Variants in HOXC6 observed in about 807,000 individuals in gnomAD.
HOXC6 encodes the protein homeobox protein Hox-C6.
A neutral mutation model predicts 24.0 loss-of-function variants in HOXC6; 10 were observed. That is an observed-to-expected ratio of 0.42 (90% CI 0.26 to 0.71). HOXC6 has a LOEUF of 0.71. HOXC6 is among the 30% of genes least tolerant of loss of function. The pLI, the probability that HOXC6 is intolerant of heterozygous loss-of-function variation, is 0.28. For missense variants in HOXC6, 258 were observed against 303.4 expected, an observed-to-expected ratio of 0.85 and a Z score of 1.11; for synonymous variants, 123 against 128.1, an observed-to-expected ratio of 0.96 and a Z score of 0.27.
chr12:54,024,817 C>T (rs1477025620), upstream of HOXC6, among the ~76,000 whole-genome samples: 1 of 152,208 alleles, frequency 6.6e-6, no homozygotes, highest in African/African-American at 2.4e-5. Context: ...GACTCCAGGC[C>T]AGTGACTGCA....
In HOXC6 at chr12:54,029,669, G is replaced by A. The variant is rs1592233434; in HGVS notation, c.415G>A (p.Ala139Thr). 1 of 1,613,304 alleles carries A rather than the reference G, an allele frequency of 6.2e-7. No homozygotes were observed. The highest frequency in any genetic ancestry group is 1.1e-5 in the South Asian group (1 of 91,062). Residue 139 changes from alanine to threonine, a missense_variant, in exon 2 of 2, where the codon GCG (alanine) becomes ACG (threonine). By Grantham distance (58) the Ala-to-Thr change is moderately conservative (BLOSUM62 0). Coordinates refer to ENST00000243108, the MANE Select transcript of HOXC6 (RefSeq NM_004503.4). ...CGGATCTTTAGGGGTCGGCTACGGA[G>A]CGGACCGGAGGCGCGGCCGCCAGAT... ...MNSHSGVGYG[A>T]DRRRGRQIYS...
intron 1 of HOXC6, among the ~76,000 whole-genome samples, chr12:54,017,843 C>T (rs1041251723): frequency 2.0e-5 from 3 of 152,152 alleles, no homozygotes; most frequent in Non-Finnish European, 4.4e-5. Context: ...CCCATTGCCC[C>T]CTAAGCAAAG....
chr12:54,026,939 C>A (rs374395964), upstream of HOXC6, among the ~76,000 whole-genome samples: 20 of 141,780 alleles, frequency 1.4e-4, 1 homozygote, highest in African/African-American at 1.6e-4. Flanking sequence ...CCAGCTTTCC[C>A]CCCCCCCAAC....
chr12:54,021,328 G>C (rs1228828875), intron 1 of HOXC6: 1 of 152,370 alleles, frequency 6.6e-6, no homozygotes, highest in South Asian at 2.1e-4. Context: ...CGCTATCTGA[G>C]CCAGGACAAG....
At chr12:54,022,286 T>C (rs189641225) in intron 1 of HOXC6, 2 of 152,232 alleles carry the variant, frequency 1.3e-5, no homozygotes, top group East Asian at 3.9e-4. Flanking sequence ...GTCATTCTTC[T>C]CCCACACTCC....
intron 1 of HOXC6, chr12:54,021,737 T>C (rs1277007983): frequency 6.6e-6 from 1 of 152,318 alleles, no homozygotes; most frequent in Non-Finnish European, 1.5e-5. Context: ...ACTCCAGGAT[T>C]GTGCCCCTCG....
chr12:54,017,273 A>G (rs1367941012), exon 1 of HOXC6: 2 of 152,122 alleles, frequency 1.3e-5, no homozygotes, highest in East Asian at 3.9e-4. Flanking sequence ...AATTATTTTT[A>G]TTTTTGAATT....
intron 1 of HOXC6, among the ~76,000 whole-genome samples, chr12:54,029,242 G>A (rs996816155): frequency 2.6e-5 from 4 of 152,226 alleles, no homozygotes; most frequent in Non-Finnish European, 4.4e-5. Flanking sequence ...AAGGGAGGGG[G>A]AGAGGAGAGG....
chr12:54,024,419 G>T (rs894735), upstream of HOXC6, among the ~76,000 whole-genome samples: 2 of 152,312 alleles, frequency 1.3e-5, no homozygotes, highest in Non-Finnish European at 2.9e-5. Flanking sequence ...GTATCTGTGT[G>T]CGAGGGTTGG....
chr12:54,026,935 T>G (rs1181851970), upstream of HOXC6, among the ~76,000 whole-genome samples: 1 of 143,244 alleles, frequency 7.0e-6, no homozygotes, highest in Non-Finnish European at 1.5e-5. Flanking sequence ...ATAGCCAGCT[T>G]TCCCCCCCCC....
Sources: gnomAD v4.1 joint callset for allele counts (sites outside exome capture counted in the v4.1 genomes callset) on GRCh38, gnomAD v4.1.1 for gene constraint, MANE v1.5 for transcripts, NCBI Gene and HGNC (gene_info 2026-07-23, HGNC 2026-07-21) for gene names.